The following XIRP2 variants were observed in gnomAD, a reference collection of about 807,000 sequenced individuals.
XIRP2 encodes xin actin binding repeat containing 2.
In XIRP2, 236 loss-of-function variants were observed where a neutral mutation model predicts 277.0. The observed-to-expected ratio is 0.85, with a 90% confidence interval of 0.77 to 0.95. XIRP2 has a LOEUF of 0.95. Ranked by LOEUF, XIRP2 falls within the 40% of genes least tolerant of loss-of-function variation. The pLI, the probability that XIRP2 is intolerant of heterozygous loss-of-function variation, is 0.00. For missense variants in XIRP2, 4,640 were observed against 4,157.5 expected, an observed-to-expected ratio of 1.12 and a Z score of -3.19; for synonymous variants, 1,490 against 1,416.5, an observed-to-expected ratio of 1.05 and a Z score of -1.17.
intron 3 of XIRP2, among the ~76,000 whole-genome samples, chr2:167,172,802 AC>A (rs1182393220): frequency 2.0e-5 from 3 of 152,146 alleles, no homozygotes; most frequent in Non-Finnish European, 4.4e-5. Context: ...TGCAATCATC[AC>A]AGGGTCCTGA....
intron 2 of XIRP2, among the ~76,000 whole-genome samples, chr2:166,976,430 CTAT>C (rs1686719979): frequency 6.6e-6 from 1 of 152,066 alleles, no homozygotes; most frequent in Non-Finnish European, 1.5e-5. Flanking sequence ...TAAATGTTTT[CTAT>C]TATTCCACTT....
At chr2:166,914,657 T>C (rs1175058992) in intron 2 of XIRP2, among the ~76,000 whole-genome samples, 1 of 152,154 alleles carries the variant, frequency 6.6e-6, no homozygotes, top group African/African-American at 2.4e-5. Flanking sequence ...GTGTGCTGTT[T>C]TAAGCCACAG....
intron 2 of XIRP2, among the ~76,000 whole-genome samples, chr2:167,020,177 A>T (rs888823151): frequency 3.9e-5 from 6 of 152,060 alleles, no homozygotes; most frequent in Admixed American, 6.6e-5. Flanking sequence ...AGAAACCAGG[A>T]TTAAAGAACA....
At chr2:167,115,087 C>T (rs1690861265) in intron 2 of XIRP2, among the ~76,000 whole-genome samples, 1 of 152,134 alleles carries the variant, frequency 6.6e-6, no homozygotes, top group South Asian at 2.1e-4. Flanking sequence ...CCTATTTCTC[C>T]ACATCCTCTC....
chr2:167,123,171 C>T (rs889701059), intron 2 of XIRP2, among the ~76,000 whole-genome samples: 3 of 152,168 alleles, frequency 2.0e-5, no homozygotes, highest in Non-Finnish European at 4.4e-5. Flanking sequence ...CCTTGTACCA[C>T]ATGTGAGCTT....
intron 2 of XIRP2, among the ~76,000 whole-genome samples, chr2:167,093,238 ATAAT>A (rs2105277553): frequency 6.6e-6 from 1 of 151,792 alleles, no homozygotes; most frequent in African/African-American, 2.4e-5. Context: ...TTAATATTAA[ATAAT>A]TGATTAGTAT....
At chr2:167,015,543 C>T (rs1351001015) in intron 2 of XIRP2, among the ~76,000 whole-genome samples, 1 of 151,608 alleles carries the variant, frequency 6.6e-6, no homozygotes, top group Non-Finnish European at 1.5e-5. Context: ...AGTTTGATAG[C>T]TTAAATAAAT....
chr2:167,039,136 C>T (rs1362394655), intron 2 of XIRP2, among the ~76,000 whole-genome samples: 1 of 152,050 alleles, frequency 6.6e-6, no homozygotes, highest in East Asian at 1.9e-4. Flanking sequence ...ACATAGACAC[C>T]TTCACTCTGT....
Position 167,249,950 on chromosome 2 carries a change from T to A in XIRP2, c.8558T>A (p.Val2853Asp). 6.2e-7 allele frequency: 1 copy of A among 1,613,526 alleles called. No homozygotes were observed. The highest frequency in any genetic ancestry group is 1.1e-5 in the South Asian group (1 of 91,060). ...AAGAATAAATCAGCACCAAAGGTCG[T>A]CAAGCAAAAGGTTATCGATGCACAT... ...HLKNKSAPKVVKQKVIDAHLD... is the reference protein window; with the variant it reads ...HLKNKSAPKVDKQKVIDAHLD... Residue 2853 changes from valine to aspartate, a missense_variant, in exon 9 of 11, where the codon GTC becomes GAC. Val to Asp is a radical substitution (Grantham distance 152). Transcript: ENST00000409195.
At chr2:167,214,239 A>C in intron 4 of XIRP2, among the ~76,000 whole-genome samples, 1 of 98,476 alleles carries the variant, frequency 1.0e-5, no homozygotes, top group South Asian at 4.7e-4. Context: ...GAAGGAAGGA[A>C]GGAAGGAAGG....
intron 2 of XIRP2, among the ~76,000 whole-genome samples, chr2:167,045,734 C>A (rs1484566643): frequency 6.6e-6 from 1 of 151,742 alleles, no homozygotes; most frequent in East Asian, 1.9e-4. Context: ...TCACAAAATA[C>A]ATGTCGGCAA....
At chr2:166,936,263 G>GT (rs779512393) in intron 2 of XIRP2, among the ~76,000 whole-genome samples, 106 of 152,160 alleles carry the variant, frequency 7.0e-4, no homozygotes, top group East Asian at 6.0e-3. Flanking sequence ...GGGGTTGTTT[G>GT]TTTTTTTCTT....
intron 1 of XIRP2, among the ~76,000 whole-genome samples, chr2:166,892,022 T>C (rs971855645): frequency 4.6e-5 from 7 of 152,186 alleles, no homozygotes; most frequent in Admixed American, 4.6e-4. Flanking sequence ...AATCTTCGTC[T>C]GTTCTGTCAT....
intron 4 of XIRP2, among the ~76,000 whole-genome samples, chr2:167,216,075 C>T (rs1694240041): frequency 1.5e-5 from 2 of 136,094 alleles, no homozygotes; most frequent in East Asian, 4.4e-4. Flanking sequence ...AACTGGCTAG[C>T]CATATGTAGA....
At chr2:167,052,217 C>A (rs1046141382) in intron 2 of XIRP2, among the ~76,000 whole-genome samples, 2 of 151,956 alleles carry the variant, frequency 1.3e-5, no homozygotes, top group African/African-American at 4.8e-5. Context: ...TCTTTTTTTA[C>A]ATAACTAAGA....
chr2:167,000,554 G>T (rs535290443), intron 2 of XIRP2, among the ~76,000 whole-genome samples: 3 of 150,610 alleles, frequency 2.0e-5, no homozygotes, highest in Non-Finnish European at 3.0e-5. Context: ...TTTAGAAGTG[G>T]TATGGATTCT....
intron 2 of XIRP2, among the ~76,000 whole-genome samples, chr2:167,112,657 T>C (rs989147862): frequency 6.6e-6 from 1 of 151,020 alleles, no homozygotes; most frequent in Non-Finnish European, 1.5e-5. Context: ...AGATTTTTTA[T>C]ATATGTATAT....
At chr2:166,957,891 G>C (rs1686203611) in intron 2 of XIRP2, among the ~76,000 whole-genome samples, 1 of 151,814 alleles carries the variant, frequency 6.6e-6, no homozygotes, top group Non-Finnish European at 1.5e-5. Context: ...ATTGTATACA[G>C]TCGATTTCCT....
intron 10 of XIRP2, among the ~76,000 whole-genome samples, chr2:167,257,175 G>A (rs141267833): frequency 1.8e-4 from 28 of 152,018 alleles, no homozygotes; most frequent in African/African-American, 6.7e-4. Flanking sequence ...CACCAATACA[G>A]ATGAGACCAT....
Sources: gnomAD v4.1 joint callset for allele counts (sites outside exome capture counted in the v4.1 genomes callset) on GRCh38, gnomAD v4.1.1 for gene constraint, MANE v1.5 for transcripts, NCBI Gene and HGNC (gene_info 2026-07-23, HGNC 2026-07-21) for gene names.